Variants in MSI2 observed in about 807,000 individuals in gnomAD.
MSI2 encodes RNA-binding protein Musashi homolog 2.
In MSI2, 17 loss-of-function variants were observed where a neutral mutation model predicts 45.6. The observed-to-expected ratio is 0.37, with a 90% CI of 0.26 to 0.56. MSI2 has a LOEUF of 0.56. Ranked by LOEUF, MSI2 falls within the 20% of genes least tolerant of loss-of-function variation. MSI2 has a pLI of 0.77. For synonymous variants in MSI2, 156 were observed against 158.2 expected (o/e 0.99, Z 0.11); for missense variants, 293 against 444.2 (o/e 0.66, Z 3.06).
the MSI2 span, among the ~76,000 whole-genome samples, chr17:57,697,226 C>T: frequency 6.6e-6 from 1 of 151,642 alleles, no homozygotes; most frequent in Non-Finnish European, 1.5e-5. Flanking sequence ...CACACTCACA[C>T]CCACACTCCC....
Position 57,353,672 on chromosome 17 carries a change from C to T in MSI2, c.313-47707C>T, listed in dbSNP as rs186694218. Among the ~76,000 whole-genome samples the T allele has an allele frequency of 2.3e-3, 346 of 152,248 alleles. 3 individuals are homozygous for T. The highest frequency in any genetic ancestry group is 7.7e-3 in the African/African-American group (319 of 41,544). ...GAGGGTCCTTGAATTTAAGAGCTTC[C>T]AGTACCAGTAGATTGAAGATTTAGT... On this transcript the variant is annotated intron_variant, in intron 5 of 13. Coordinates refer to ENST00000284073, the MANE Select transcript of MSI2 (RefSeq NM_138962.4).
At chr17:57,535,856 T>C (rs1033133229) in intron 7 of MSI2, among the ~76,000 whole-genome samples, 6 of 152,348 alleles carry the variant, frequency 3.9e-5, no homozygotes, top group African/African-American at 1.4e-4. Context: ...GTTTAAGGTC[T>C]TTGTAATTTG....
At chr17:57,468,988 G>A (rs748830986) in intron 6 of MSI2, among the ~76,000 whole-genome samples, 22 of 152,126 alleles carry the variant, frequency 1.4e-4, no homozygotes, top group Admixed American at 7.2e-4. Context: ...GTCAGTTTGC[G>A]TGTTCCCCTG....
intron 7 of MSI2, among the ~76,000 whole-genome samples, chr17:57,546,296 G>A (rs979645723): frequency 6.6e-5 from 10 of 152,252 alleles, no homozygotes; most frequent in East Asian, 3.9e-4. Flanking sequence ...TAATAGCAGC[G>A]GCAACAAGGG....
intron 6 of MSI2, among the ~76,000 whole-genome samples, chr17:57,480,824 A>T (rs1266707831): frequency 6.6e-6 from 1 of 152,206 alleles, no homozygotes; most frequent in East Asian, 1.9e-4. Context: ...CAGTCACAGA[A>T]CCATGGTTCC....
At position 57,683,652 on chromosome 17, in the gene MSI2, G is replaced by C; in HGVS notation, c.*4135G>C. The C allele has an allele frequency of 4.3e-6, 1 of 231,972 alleles. No individual in the cohort carries two copies. The highest frequency in any genetic ancestry group is 1.8e-4 in the South Asian group (1 of 5,506). 14.4% of individuals were successfully genotyped at this position (231,972 alleles called of 1,614,324 possible). On this transcript the variant is annotated 3_prime_UTR_variant, in exon 14 of 14. Coordinates refer to ENST00000284073, the MANE Select transcript of MSI2 (RefSeq NM_138962.4). The surrounding 1 kb of genome is among the most constrained non-coding windows in gnomAD (Gnocchi z 5.2). ...TGGCACGCAGGAACAGAGGGAGAGT[G>C]GGGGGCTGGTGGGGGAGGGGAGATT... is the stretch of plus-strand genomic sequence containing the variant.
intron 6 of MSI2, among the ~76,000 whole-genome samples, chr17:57,474,272 A>C (rs2085496067): frequency 1.3e-5 from 2 of 152,116 alleles, no homozygotes; most frequent in Non-Finnish European, 2.9e-5. Context: ...TCTGCAAGGT[A>C]GTTATAATAA....
At chr17:57,497,555 CAA>C (rs1368965171) in intron 6 of MSI2, among the ~76,000 whole-genome samples, 1 of 152,116 alleles carries the variant, frequency 6.6e-6, no homozygotes, top group Non-Finnish European at 1.5e-5. Flanking sequence ...GCTGGAAAAT[CAA>C]AAAGACAGCT....
chr17:57,691,560 AC>A, the MSI2 span, among the ~76,000 whole-genome samples: 1 of 152,222 alleles, frequency 6.6e-6, no homozygotes, highest in African/African-American at 2.4e-5. Flanking sequence ...AGCATATAGA[AC>A]TTGAACATAA....
intron 6 of MSI2, among the ~76,000 whole-genome samples, chr17:57,444,101 C>CT (rs1424839266): frequency 2.6e-5 from 4 of 152,114 alleles, no homozygotes; most frequent in Non-Finnish European, 2.9e-5. Context: ...ACCCCAAACC[C>CT]TTTTTTAGAA....
intron 5 of MSI2, among the ~76,000 whole-genome samples, chr17:57,347,286 G>A (rs560162719): frequency 6.6e-6 from 1 of 152,144 alleles, no homozygotes; most frequent in Non-Finnish European, 1.5e-5. Context: ...AATTATCAGA[G>A]CACCCCACAG....
intron 5 of MSI2, among the ~76,000 whole-genome samples, chr17:57,311,548 G>A (rs1912401001): frequency 1.3e-5 from 2 of 152,136 alleles, no homozygotes; most frequent in African/African-American, 4.8e-5. Context: ...GAAAGCCATA[G>A]TATTGGCTAT....
chr17:57,297,504 G>A (rs1598087937), intron 5 of MSI2, among the ~76,000 whole-genome samples: 1 of 152,196 alleles, frequency 6.6e-6, no homozygotes, highest in Admixed American at 6.5e-5. Flanking sequence ...TTTGCTGGTG[G>A]AGGGTCTTGC....
chr17:57,482,002 C>A (rs937737010), intron 6 of MSI2, among the ~76,000 whole-genome samples: 1 of 152,152 alleles, frequency 6.6e-6, no homozygotes, highest in African/African-American at 2.4e-5. Flanking sequence ...AAGATGGAGG[C>A]GAGTCAGTCC....
the MSI2 span, among the ~76,000 whole-genome samples, chr17:57,699,040 A>AGTGTGTGTGTGTGT: frequency 3.2e-5 from 1 of 31,368 alleles, no homozygotes; most frequent in African/African-American, 3.0e-4. Flanking sequence ...AGAGAGAGAG[A>AGTGTGTGTGTGTGT]GAGAGTGTGT....
chr17:57,655,285 G>A (rs186281240), intron 11 of MSI2, among the ~76,000 whole-genome samples: 32 of 152,122 alleles, frequency 2.1e-4, no homozygotes, highest in Middle Eastern at 3.2e-3. Flanking sequence ...GTGCTCAGTC[G>A]AGAGTTTGTT....
At chr17:57,353,394 T>C (rs1203513085) in intron 5 of MSI2, among the ~76,000 whole-genome samples, 6 of 152,168 alleles carry the variant, frequency 3.9e-5, no homozygotes, top group Non-Finnish European at 8.8e-5. Context: ...TGGGTTTTCT[T>C]GGGGTTGTAC....
intron 7 of MSI2, among the ~76,000 whole-genome samples, chr17:57,550,970 G>T (rs762203551): frequency 4.1e-4 from 62 of 152,268 alleles, no homozygotes; most frequent in Middle Eastern, 3.4e-3. Context: ...AGAAATTGAT[G>T]GGGGGATGGG....
At chr17:57,410,171 C>A (rs1282038733) in intron 6 of MSI2, among the ~76,000 whole-genome samples, 2 of 151,968 alleles carry the variant, frequency 1.3e-5, no homozygotes, top group Non-Finnish European at 2.9e-5. Flanking sequence ...GGAACTTGGG[C>A]CTTGCAAACT....
Sources: gnomAD v4.1 joint callset for allele counts (sites outside exome capture counted in the v4.1 genomes callset) on GRCh38, gnomAD v4.1.1 for gene constraint, Gnocchi (gnomAD v3.1) non-coding constraint, MANE v1.5 for transcripts, NCBI Gene and HGNC (gene_info 2026-07-23, HGNC 2026-07-21) for gene names.